Variants in ITSN2 observed in about 807,000 individuals in gnomAD.
ITSN2 encodes the protein intersectin-2.
In ITSN2, 156 loss-of-function variants were observed where a neutral mutation model predicts 243.7. That is an observed-to-expected ratio of 0.64 (90% confidence interval 0.56 to 0.73). The LOEUF is 0.73. Ranked by LOEUF, ITSN2 falls within the 30% of genes least tolerant of loss-of-function variation. The probability of loss-of-function intolerance (pLI) is 0.00; values close to 1 mark genes in which losing one functional copy is unlikely to be tolerated. For missense variants in ITSN2, 1,801 were observed against 1,996.1 expected (o/e 0.90, Z 1.86); for synonymous variants, 703 against 699.9 (o/e 1.00, Z -0.07).
rs1686522169 is a variant in ITSN2 at position 24,337,326 on chromosome 2, A to ATATACATATATATATATATATATATATG, written c.-33-9212_-33-9211insCATATATATATATATATATATATGTATA. Among the ~76,000 whole-genome samples, 2 of 92,664 alleles carry ATATACATATATATATATATATATATATG rather than the reference A, an allele frequency of 2.2e-5. 1 individual carries two copies. Among genetic ancestry groups the ATATACATATATATATATATATATATATG allele is most frequent in the South Asian group, 6.5e-4 (2 of 3,062 alleles). The allele number at this position is 92,664 out of a possible 152,430, so 60.8% of individuals were successfully genotyped here. ...GTGTGTATACACAAAATATATATAT[A>ATATACATATATATATATATATATATATG]TATATATATATATATATATATATAT... On this transcript the variant is annotated intron_variant, in intron 1 of 39. Transcript: ENST00000355123.
At chr2:24,313,958 C>T (rs1334437664) in intron 3 of ITSN2, among the ~76,000 whole-genome samples, 1 of 152,216 alleles carries the variant, frequency 6.6e-6, no homozygotes, top group Non-Finnish European at 1.5e-5. Context: ...TAATTGCTCT[C>T]TGCCTGGGTC....
At chr2:24,331,039 T>A (rs1188479357) in intron 1 of ITSN2, among the ~76,000 whole-genome samples, 1 of 150,928 alleles carries the variant, frequency 6.6e-6, no homozygotes, top group Non-Finnish European at 1.5e-5. Context: ...AGTGCTGAGA[T>A]TATAGGCATG....
intron 32 of ITSN2, 33 bp downstream of exon 32, chr2:24,216,016 G>A (rs1669922877): frequency 2.6e-6 from 4 of 1,522,284 alleles, no homozygotes; most frequent in South Asian, 2.5e-5. Flanking sequence ...GCCTCAGAAG[G>A]AGCCTGACCC....
intron 30 of ITSN2, 107 bp downstream of exon 30, chr2:24,220,838 G>T (rs1670374579): frequency 5.5e-6 from 8 of 1,467,444 alleles, no homozygotes; most frequent in Non-Finnish European, 7.2e-6. Context: ...CATCAAAAGT[G>T]ATGCCTTGCT....
chr2:24,273,152 T>C (rs1006543552), intron 18 of ITSN2, among the ~76,000 whole-genome samples: 2 of 152,204 alleles, frequency 1.3e-5, no homozygotes, highest in African/African-American at 4.8e-5. Context: ...ATTCAAAATA[T>C]TGTAGGCCCT....
rs184563952 is a variant in ITSN2, at chr2:24,337,750, C to T, written c.-33-9635G>A. Among the ~76,000 whole-genome samples the T allele has an allele frequency of 9.4e-4, 142 of 150,518 alleles. 1 individual carries two copies. The Middle Eastern group carries it at 0.038, about 40-fold the overall frequency. On this transcript the variant is annotated intron_variant, in intron 1 of 39. Transcript: ENST00000355123. ...AGATCCTCCTGCTGCCTCAGCCTCTCGAATAGCTAGGACTACAAGTGTGCA... is the reference window on the plus strand; with the variant it reads ...AGATCCTCCTGCTGCCTCAGCCTCTTGAATAGCTAGGACTACAAGTGTGCA...
Position 24,258,061 on chromosome 2 carries a change from G to A in ITSN2, c.2715C>T (p.Ala905=), listed in dbSNP as rs1245896036. 1.9e-6 allele frequency: 3 copies of A among 1,613,938 alleles called. No homozygotes were observed. The Admixed American group carries it at 5.0e-5, about 27-fold the overall frequency. The change falls in exon 23 of 40, where the codon GCC becomes GCT. Residue 905 remains alanine (A), a synonymous_variant. Coordinates refer to ENST00000355123, the MANE Select transcript of ITSN2 (RefSeq NM_006277.3). ...GQVVENLKAQ[A]LCSWTAKKDN... ...CTTTCTTTGCAGTCCAGGAACAAAG[G>A]GCCTGTGCTTTTAAGTTTTCTACCA...
At chr2:24,223,076 C>T (rs1013627297) in intron 29 of ITSN2, among the ~76,000 whole-genome samples, 12 of 152,150 alleles carry the variant, frequency 7.9e-5, no homozygotes, top group Non-Finnish European at 1.8e-4. Flanking sequence ...CAACATGAGG[C>T]AGCAAGTGGC....
At chr2:24,329,810 G>A (rs1685575691) in intron 1 of ITSN2, among the ~76,000 whole-genome samples, 1 of 152,068 alleles carries the variant, frequency 6.6e-6, no homozygotes, top group African/African-American at 2.4e-5. Flanking sequence ...CATACATCGT[G>A]GTCAACGTTT....
At chr2:24,326,397 T>C (rs962720478) in intron 2 of ITSN2, among the ~76,000 whole-genome samples, 5 of 152,214 alleles carry the variant, frequency 3.3e-5, no homozygotes, top group Non-Finnish European at 5.9e-5. Context: ...GGACCGGGAC[T>C]GTACTGCTTT....
chr2:24,237,810 G>A (rs1441110327), intron 29 of ITSN2, among the ~76,000 whole-genome samples: 1 of 152,034 alleles, frequency 6.6e-6, no homozygotes, highest in African/African-American at 2.4e-5. Flanking sequence ...AGATCCCCAC[G>A]ATCAGGCCGA....
Position 24,202,904 on chromosome 2 carries a change from T to C in ITSN2, c.*722A>G, listed in dbSNP as rs1250761954. 1.3e-5 allele frequency: 2 copies of C among 152,648 alleles called. No homozygotes were observed. The highest frequency in any genetic ancestry group is 2.4e-5 in the African/African-American group (1 of 41,454). The allele number at this position is 152,648 out of a possible 1,614,324, so 9.5% of individuals were successfully genotyped here. On this transcript the variant is annotated 3_prime_UTR_variant, in exon 40 of 40. Transcript: ENST00000355123. ...TATGTCTTTATTCTCTTTCTGTACA[T>C]ATGGGCAATGATAAAGCTTAAAGAT...
intron 2 of ITSN2, among the ~76,000 whole-genome samples, chr2:24,319,559 T>C (rs1427977026): frequency 2.0e-5 from 3 of 152,098 alleles, no homozygotes; most frequent in African/African-American, 7.2e-5. Context: ...ATCTCAGTAA[T>C]GGATGAATTC....
chr2:24,237,768 G>A (rs1159867720), intron 29 of ITSN2, among the ~76,000 whole-genome samples: 2 of 151,980 alleles, frequency 1.3e-5, no homozygotes, highest in African/African-American at 4.8e-5. Context: ...TCCACCTTGG[G>A]TGCATATCAG....
chr2:24,246,027 G>GT (rs1673317957), intron 29 of ITSN2, 102 bp downstream of exon 29: 4 of 720,958 alleles, frequency 5.5e-6, no homozygotes, highest in African/African-American at 1.8e-5. Context: ...TACATTTGCT[G>GT]TGAGTGCTGA....
At chr2:24,253,855 T>C (rs994683501) in intron 24 of ITSN2, among the ~76,000 whole-genome samples, 3 of 152,192 alleles carry the variant, frequency 2.0e-5, no homozygotes, top group Non-Finnish European at 2.9e-5. Context: ...TAAATAAAAA[T>C]ATCCTCTGAA....
chr2:24,320,291 G>T (rs1160513844), intron 2 of ITSN2, among the ~76,000 whole-genome samples: 3 of 151,244 alleles, frequency 2.0e-5, no homozygotes, highest in African/African-American at 7.3e-5. Context: ...AGGCCGAGGA[G>T]GGTGGATCAT....
chr2:24,217,803 A>G, intron 31 of ITSN2, 104 bp downstream of exon 31: 1 of 629,476 alleles, frequency 1.6e-6, no homozygotes, highest in Non-Finnish European at 2.9e-6. Context: ...AGCAGAAAGC[A>G]GTTGAAGTTC....
Position 24,209,804 on chromosome 2 carries a change from C to T in ITSN2, c.4473+14G>A, listed in dbSNP as rs563980319. The T allele has an allele frequency of 1.0e-4, 165 of 1,604,456 alleles. 3 individuals carry two copies. In the South Asian group the frequency reaches 1.3e-3, roughly 13 times the overall value. ...TTAGGCCCCTGATGCTACCCCCAGACGCGTGATACTCACCGTTTTATACAT... is the reference window on the plus strand; with the variant it reads ...TTAGGCCCCTGATGCTACCCCCAGATGCGTGATACTCACCGTTTTATACAT... On this transcript the variant is annotated intron_variant, in intron 35 of 39. Coordinates refer to ENST00000355123, the MANE Select transcript of ITSN2 (RefSeq NM_006277.3).
Sources: allele counts gnomAD v4.1 joint callset (sites outside exome capture counted in the v4.1 genomes callset), GRCh38; gene constraint gnomAD v4.1.1; transcripts MANE v1.5; gene names NCBI Gene and HGNC (gene_info 2026-07-23, HGNC 2026-07-21).